The following MAPKAP1 variants were observed in gnomAD, a reference collection of about 807,000 sequenced individuals.
The protein encoded by MAPKAP1 is MAPK associated protein 1.
MAPKAP1 carries 20 observed loss-of-function variants against 65.7 expected under a neutral mutation model. That is an observed-to-expected ratio of 0.30 (90% CI 0.21 to 0.44). The LOEUF is 0.44. MAPKAP1 is among the 20% of genes least tolerant of loss of function. The probability of loss-of-function intolerance (pLI) is 1.00; values close to 1 mark genes in which losing one functional copy is unlikely to be tolerated. For missense variants in MAPKAP1, 423 were observed against 648.0 expected (o/e 0.65, Z 3.77); for synonymous variants, 222 against 244.3 (o/e 0.91, Z 0.85).
At chr9:125,685,614 T>G (rs1834951625) in intron 1 of MAPKAP1, among the ~76,000 whole-genome samples, 1 of 152,218 alleles carries the variant, frequency 6.6e-6, no homozygotes, top group Non-Finnish European at 1.5e-5. Context: ...ATGAATGAAT[T>G]AAAGAACAAA....
At chr9:125,665,622 T>C (rs2131780338) in intron 3 of MAPKAP1, among the ~76,000 whole-genome samples, 1 of 150,810 alleles carries the variant, frequency 6.6e-6, no homozygotes, top group South Asian at 2.1e-4. Flanking sequence ...GCCTTGTTGC[T>C]CAAAAAAAAC....
At chr9:125,478,015 T>C (rs1360416562) in intron 9 of MAPKAP1, 2 of 152,258 alleles carry the variant, frequency 1.3e-5, no homozygotes, top group East Asian at 1.9e-4. Context: ...TTTGGAATGA[T>C]GACTTTGGTA....
intron 4 of MAPKAP1, among the ~76,000 whole-genome samples, chr9:125,621,416 A>C (rs1481002900): frequency 6.6e-6 from 1 of 152,214 alleles, no homozygotes. Context: ...CCTAAAAGTG[A>C]GAAAACAGGT....
chr9:125,545,365 G>C (rs1039782360), intron 6 of MAPKAP1, among the ~76,000 whole-genome samples: 1 of 152,214 alleles, frequency 6.6e-6, no homozygotes, highest in Non-Finnish European at 1.5e-5. Flanking sequence ...GTGTGTGTTT[G>C]GAACAAATGC....
chr9:125,671,248 T>C (rs112635918), intron 2 of MAPKAP1, among the ~76,000 whole-genome samples: 1 of 152,190 alleles, frequency 6.6e-6, no homozygotes, highest in Non-Finnish European at 1.5e-5. Flanking sequence ...AAAGTTCCTT[T>C]AGATACTGGG....
rs539522149 is a variant in MAPKAP1 at position 125,689,450 on chromosome 9, A to C, written c.-69-16807T>G. ...ACTCCATCTCGGAAAAAAAAAAAAA[A>C]AAAAAAAAAAAACAGGCCAGGCACA... On this transcript the variant is annotated intron_variant, in intron 1 of 11. Coordinates refer to ENST00000265960, the MANE Select transcript of MAPKAP1 (RefSeq NM_001006617.3). 1.4e-3 allele frequency among the ~76,000 whole-genome samples: 198 copies of C among 143,350 alleles called. 3 individuals carry two copies. The highest frequency in any genetic ancestry group is 7.4e-3 in the Middle Eastern group (2 of 272). 94.0% of individuals were successfully genotyped at this position (143,350 alleles called of 152,430 possible). A position where few individuals can be genotyped will look rare whatever the true frequency, so the allele number is the denominator to read the frequency against.
In MAPKAP1 at chr9:125,439,004, G is replaced by GT; in HGVS notation, c.1451dup (p.Tyr484Ter). The change falls in exon 12 of 12, where the codon TAC becomes TAAC. Residue 484 changes from tyrosine (Y) to a stop codon, truncating the protein, a stop_gained and frameshift_variant. Coordinates refer to ENST00000265960, the MANE Select transcript of MAPKAP1 (RefSeq NM_001006617.3). LOFTEE classifies it high-confidence loss of function. The surrounding 1 kb of genome is among the most constrained non-coding windows in gnomAD (Gnocchi z 4.0). ...TVNEIVLKVN[Y>*]ILESRASTAR... ...CAGTGCTAGCTCGCGATTCCAGGAT[G>GT]TAGTTAACCTAGAAACAAGAGCACA... The GT allele has an allele frequency of 6.2e-7, 1 of 1,613,734 alleles. No individual in the cohort carries two copies. The highest frequency in any genetic ancestry group is 8.5e-7 in the Non-Finnish European group (1 of 1,179,998).
At chr9:125,506,709 C>T (rs904662694) in intron 7 of MAPKAP1, among the ~76,000 whole-genome samples, 27 of 152,324 alleles carry the variant, frequency 1.8e-4, no homozygotes, top group Admixed American at 1.7e-3. Flanking sequence ...ATGAGCAGGT[C>T]ACCTACCCTC....
Position 125,509,398 on chromosome 9 carries a change from G to GT in MAPKAP1, c.959-2982dup, listed in dbSNP as rs564384514. 4.1e-3 allele frequency among the ~76,000 whole-genome samples: 617 copies of GT among 152,130 alleles called. 3 individuals carry two copies. Among genetic ancestry groups the GT allele is most frequent in the African/African-American group, 0.014 (573 of 41,514 alleles). On this transcript the variant is annotated intron_variant, in intron 7 of 11. Coordinates refer to ENST00000265960, the MANE Select transcript of MAPKAP1 (RefSeq NM_001006617.3). ...ATAATTGTTTTTATTTTTGCTTTGT[G>GT]TTTTTTTGTATTTTTCAAATTTGCT... is the stretch of plus-strand genomic sequence containing the variant.
intron 4 of MAPKAP1, among the ~76,000 whole-genome samples, chr9:125,629,416 G>A (rs778667613): frequency 7.9e-5 from 12 of 152,196 alleles, no homozygotes; most frequent in Non-Finnish European, 1.8e-4. Context: ...ACATTATTCA[G>A]CTTTTGAAAA....
At chr9:125,487,713 T>G (rs1338913484) in intron 8 of MAPKAP1, among the ~76,000 whole-genome samples, 1 of 152,216 alleles carries the variant, frequency 6.6e-6, no homozygotes, top group African/African-American at 2.4e-5. Flanking sequence ...ATATAATTTT[T>G]TACTGAGCAA....
chr9:125,452,893 AAAACAAAC>A (rs577959444), intron 10 of MAPKAP1, among the ~76,000 whole-genome samples: 11 of 152,160 alleles, frequency 7.2e-5, no homozygotes, highest in African/African-American at 2.7e-4. Context: ...CTCTGTCTCA[AAAACAAAC>A]AAACAAACAA....
Position 125,469,936 on chromosome 9 carries a change from T to C in MAPKAP1, c.1208-1827A>G, listed in dbSNP as rs536781530. ...GCCATGGTTGTCGGGTGTGTGTGTG[T>C]GCATGTGTGTGTTCCCCTTCTTCTT... On this transcript the variant is annotated intron_variant, in intron 9 of 11. Transcript: ENST00000265960. Among the ~76,000 whole-genome samples the C allele has an allele frequency of 5.6e-4, 86 of 152,334 alleles. 1 individual carries two copies. The East Asian group carries it at 0.015, about 26-fold the overall frequency.
chr9:125,529,095 A>C (rs1829859451), intron 7 of MAPKAP1, among the ~76,000 whole-genome samples: 2 of 150,664 alleles, frequency 1.3e-5, no homozygotes, highest in Non-Finnish European at 2.9e-5. Context: ...AATCCCTTGA[A>C]CCTGGAAGGT....
chr9:125,594,123 G>A (rs915594545), intron 4 of MAPKAP1, among the ~76,000 whole-genome samples: 4 of 152,070 alleles, frequency 2.6e-5, no homozygotes, highest in South Asian at 2.1e-4. Flanking sequence ...TTTAGGCTTC[G>A]TCAGCTTTGT....
chr9:125,698,296 T>TATATATATAAA (rs1835471034), intron 1 of MAPKAP1, among the ~76,000 whole-genome samples: 1 of 10,064 alleles, frequency 9.9e-5, no homozygotes, highest in African/African-American at 4.3e-4. Context: ...TAAATATATA[T>TATATATATAAA]ATATATATAT....
At chr9:125,622,295 T>TA (rs1323186785) in intron 4 of MAPKAP1, among the ~76,000 whole-genome samples, 1 of 152,232 alleles carries the variant, frequency 6.6e-6, no homozygotes, top group African/African-American at 2.4e-5. Context: ...TTCAAAAAGA[T>TA]AAAAAAAGGA....
intron 5 of MAPKAP1, among the ~76,000 whole-genome samples, chr9:125,562,311 G>A (rs1443829131): frequency 6.6e-6 from 1 of 152,192 alleles, no homozygotes; most frequent in Non-Finnish European, 1.5e-5. Context: ...TAAATATGAA[G>A]TGTGAAATCA....
At chr9:125,596,963 TAA>T (rs56718500) in intron 4 of MAPKAP1, among the ~76,000 whole-genome samples, 10 of 129,322 alleles carry the variant, frequency 7.7e-5, no homozygotes, top group East Asian at 6.6e-4. Context: ...AAATGTGTCT[TAA>T]AAAAAAAAAA....
Sources: allele counts gnomAD v4.1 joint callset (sites outside exome capture counted in the v4.1 genomes callset), GRCh38; gene constraint gnomAD v4.1.1; non-coding constraint Gnocchi (gnomAD v3.1); transcripts MANE v1.5; gene names NCBI Gene and HGNC (gene_info 2026-07-23, HGNC 2026-07-21).